The following ARHGAP10 variants were observed in gnomAD, a reference collection of about 807,000 sequenced individuals.
The protein encoded by ARHGAP10 is rho GTPase-activating protein 10.
Under a neutral mutation model 108.6 loss-of-function variants are expected in ARHGAP10, and 87 were observed. The observed-to-expected ratio is 0.80, with a 90% confidence interval of 0.67 to 0.96. The LOEUF is 0.96. Ranked by LOEUF, ARHGAP10 falls within the 40% of genes least tolerant of loss-of-function variation. The pLI, the probability that ARHGAP10 is intolerant of heterozygous loss-of-function variation, is 0.00. For missense variants in ARHGAP10, 939 were observed against 954.5 expected (o/e 0.98, Z 0.21); for synonymous variants, 347 against 341.1 (o/e 1.02, Z -0.19).
At chr4:148,065,491 G>A (rs1337506758) in intron 22 of ARHGAP10, 1 of 152,150 alleles carries the variant, frequency 6.6e-6, no homozygotes, top group East Asian at 1.9e-4. Context: ...ACCCCACATG[G>A]AACAGAATTA....
At chr4:148,041,483 G>A (rs1728631731) in intron 19 of ARHGAP10, among the ~76,000 whole-genome samples, 1 of 152,194 alleles carries the variant, frequency 6.6e-6, no homozygotes, top group African/African-American at 2.4e-5. Flanking sequence ...ACCAGAAAAT[G>A]AATGAAGAGA....
intron 1 of ARHGAP10, among the ~76,000 whole-genome samples, chr4:147,787,543 A>T (rs952269093): frequency 2.0e-5 from 3 of 151,974 alleles, no homozygotes; most frequent in Non-Finnish European, 2.9e-5. Flanking sequence ...TGGGCAGGAG[A>T]GGTGGTTGGA....
intron 22 of ARHGAP10, among the ~76,000 whole-genome samples, chr4:148,066,194 C>T (rs955504180): frequency 2.6e-5 from 4 of 152,148 alleles, no homozygotes; most frequent in African/African-American, 9.7e-5. Context: ...GTATCATGGC[C>T]ACACTCTGGC....
At chr4:147,947,783 C>A (rs1267814184) in intron 15 of ARHGAP10, among the ~76,000 whole-genome samples, 1 of 152,044 alleles carries the variant, frequency 6.6e-6, no homozygotes, top group Non-Finnish European at 1.5e-5. Flanking sequence ...ACATTCGAAT[C>A]AACTTATATG....
intron 3 of ARHGAP10, among the ~76,000 whole-genome samples, chr4:147,825,290 A>G (rs1260449327): frequency 6.6e-6 from 1 of 152,082 alleles, no homozygotes; most frequent in East Asian, 1.9e-4. Flanking sequence ...TCTCTACTAA[A>G]AATACAAAAA....
intron 18 of ARHGAP10, among the ~76,000 whole-genome samples, chr4:148,001,864 G>C (rs1397732201): frequency 1.3e-5 from 2 of 152,148 alleles, no homozygotes; most frequent in Non-Finnish European, 2.9e-5. Flanking sequence ...TGCAAACAGG[G>C]ACAATTTGAC....
chr4:148,009,890 G>GAACGTTGTGAATA (rs1222687574), intron 18 of ARHGAP10, among the ~76,000 whole-genome samples: 2 of 152,174 alleles, frequency 1.3e-5, no homozygotes, highest in East Asian at 3.8e-4. Context: ...ACTTTATTCA[G>GAACGTTGTGAATA]AACGTTGTGA....
chr4:147,786,634 T>C (rs994383235), intron 1 of ARHGAP10, among the ~76,000 whole-genome samples: 22 of 152,330 alleles, frequency 1.4e-4, no homozygotes, highest in African/African-American at 5.3e-4. Context: ...AATGGTAACT[T>C]AAAGCATTGG....
chr4:148,069,958 A>G (rs1478292210), intron 22 of ARHGAP10, among the ~76,000 whole-genome samples: 1 of 152,238 alleles, frequency 6.6e-6, no homozygotes, highest in Non-Finnish European at 1.5e-5. Flanking sequence ...GGTATGAAGA[A>G]CAATGTCAGA....
At chr4:147,967,371 C>T (rs1257323002) in intron 18 of ARHGAP10, among the ~76,000 whole-genome samples, 1 of 152,186 alleles carries the variant, frequency 6.6e-6, no homozygotes, top group African/African-American at 2.4e-5. Flanking sequence ...TCTGGTTACA[C>T]CTAGCTGTTG....
intron 1 of ARHGAP10, among the ~76,000 whole-genome samples, chr4:147,748,994 AACTTTT>A (rs70958582): frequency 0.72 from 108,932 of 151,530 alleles, 44,339 homozygotes; most frequent in Non-Finnish European, 0.89. Flanking sequence ...TACATAAGAT[AACTTTT>A]ACTTTTGAAA....
chr4:147,917,464 A>G (rs1052276753), intron 13 of ARHGAP10: 1 of 152,248 alleles, frequency 6.6e-6, no homozygotes, highest in African/African-American at 2.4e-5. Context: ...AGTGAGCTCC[A>G]CTTACAAGAG....
intron 18 of ARHGAP10, among the ~76,000 whole-genome samples, chr4:147,990,129 C>T (rs1221453163): frequency 6.6e-6 from 1 of 152,214 alleles, no homozygotes; most frequent in South Asian, 2.1e-4. Flanking sequence ...GAAGAAGGCA[C>T]CCCGTCCTTC....
At position 147,865,076 on chromosome 4, in the gene ARHGAP10, A is replaced by G. The variant is rs935684759; in HGVS notation, c.597+120A>G. 1.6e-5 allele frequency: 14 copies of G among 856,408 alleles called. No homozygotes were observed. In the East Asian group the frequency reaches 3.3e-4, roughly 20 times the overall value. 53.1% of individuals were successfully genotyped at this position (856,408 alleles called of 1,614,324 possible). A position where few individuals can be genotyped will look rare whatever the true frequency, so the allele number is the denominator to read the frequency against. ...GCCATAGTGCATAAACATGAAAGAG[A>G]CATATTAAAAAGGGCAGACACAGAT... On this transcript the variant is annotated intron_variant, in intron 6 of 22. Transcript: ENST00000336498.
chr4:147,918,630 C>T (rs1437495954), intron 13 of ARHGAP10, among the ~76,000 whole-genome samples: 1 of 152,134 alleles, frequency 6.6e-6, no homozygotes, highest in Non-Finnish European at 1.5e-5. Flanking sequence ...ACTTAGGGGC[C>T]CTTCATCTCC....
chr4:147,953,261 T>C (rs1330511924), intron 15 of ARHGAP10, among the ~76,000 whole-genome samples: 1 of 152,060 alleles, frequency 6.6e-6, no homozygotes, highest in East Asian at 1.9e-4. Context: ...TTAACTTTGA[T>C]ATTAGGATAA....
At chr4:147,785,854 G>A (rs959435973) in intron 1 of ARHGAP10, among the ~76,000 whole-genome samples, 15 of 152,102 alleles carry the variant, frequency 9.9e-5, no homozygotes, top group African/African-American at 3.6e-4. Flanking sequence ...TGACTTAAGT[G>A]ATGCTCATTT....
chr4:147,912,480 G>A (rs1311315089), intron 12 of ARHGAP10, among the ~76,000 whole-genome samples: 1 of 149,572 alleles, frequency 6.7e-6, no homozygotes, highest in Non-Finnish European at 1.5e-5. Flanking sequence ...GGTAGAGGTT[G>A]CACTCTAGCT....
chr4:147,997,000 TTCTG>T (rs2149640965), intron 18 of ARHGAP10, among the ~76,000 whole-genome samples: 1 of 152,336 alleles, frequency 6.6e-6, no homozygotes, highest in Non-Finnish European at 1.5e-5. Context: ...GTCTGTGGTA[TTCTG>T]TCATAGCAGC....
Sources: allele counts gnomAD v4.1 joint callset (sites outside exome capture counted in the v4.1 genomes callset), GRCh38; gene constraint gnomAD v4.1.1; transcripts MANE v1.5; gene names NCBI Gene and HGNC (gene_info 2026-07-23, HGNC 2026-07-21).